The following MYO1D variants were observed in gnomAD, a reference collection of about 807,000 sequenced individuals.
MYO1D encodes myosin ID.
MYO1D carries 83 observed loss-of-function variants against 122.0 expected under a neutral mutation model. The ratio of observed to expected loss-of-function variants is 0.68; its 90% confidence interval spans 0.57 to 0.82. The LOEUF is 0.82. Ranked by LOEUF, MYO1D falls within the 40% of genes least tolerant of loss-of-function variation. The pLI, the probability that MYO1D is intolerant of heterozygous loss-of-function variation, is 0.00. For missense variants in MYO1D, 1,157 were observed against 1,269.5 expected, an observed-to-expected ratio of 0.91 and a Z score of 1.35; for synonymous variants, 464 against 446.9, an observed-to-expected ratio of 1.04 and a Z score of -0.48.
chr17:32,588,102 G>A (rs2087407334), intron 21 of MYO1D, among the ~76,000 whole-genome samples: 1 of 152,118 alleles, frequency 6.6e-6, no homozygotes, highest in Admixed American at 6.5e-5. Context: ...AATATCAAAT[G>A]GAAAATAACA....
At chr17:32,805,982 G>GGC (rs2090507236) in intron 1 of MYO1D, among the ~76,000 whole-genome samples, 1 of 152,176 alleles carries the variant, frequency 6.6e-6, no homozygotes, top group South Asian at 2.1e-4. Context: ...CTTATGGCCG[G>GGC]GTGCAGTGGC....
intron 21 of MYO1D, among the ~76,000 whole-genome samples, chr17:32,544,039 C>T (rs971035862): frequency 6.6e-5 from 10 of 151,518 alleles, no homozygotes; most frequent in African/African-American, 2.2e-4. Flanking sequence ...GTGATCCACC[C>T]GCCTTGGCCT....
intron 21 of MYO1D, among the ~76,000 whole-genome samples, chr17:32,548,966 G>A (rs1029598079): frequency 3.9e-5 from 6 of 151,956 alleles, no homozygotes; most frequent in African/African-American, 1.5e-4. Context: ...CACCTGCCTC[G>A]GCCTCCAAAG....
intron 1 of MYO1D, among the ~76,000 whole-genome samples, chr17:32,818,572 TA>T (rs911258300): frequency 2.0e-5 from 3 of 152,140 alleles, no homozygotes; most frequent in Non-Finnish European, 2.9e-5. Context: ...ATGGGGGAAA[TA>T]AAGTGAAAGC....
At chr17:32,512,701 C>T (rs1004944886) in intron 21 of MYO1D, among the ~76,000 whole-genome samples, 1 of 152,238 alleles carries the variant, frequency 6.6e-6, no homozygotes, top group African/African-American at 2.4e-5. Context: ...CCAAGGGAGA[C>T]AGCCTGGTGT....
intron 16 of MYO1D, among the ~76,000 whole-genome samples, chr17:32,685,407 CA>C (rs2088991306): frequency 6.6e-6 from 1 of 152,206 alleles, no homozygotes; most frequent in African/African-American, 2.4e-5. Context: ...AGCTGGTGAG[CA>C]ATCTCCAGGT....
chr17:32,583,754 T>A (rs912050534), intron 21 of MYO1D, among the ~76,000 whole-genome samples: 1 of 152,004 alleles, frequency 6.6e-6, no homozygotes, highest in Non-Finnish European at 1.5e-5. Context: ...TTGTTTTTTT[T>A]TTTGAGGCAA....
At chr17:32,605,385 T>G in intron 20 of MYO1D, 144 bp from the exon 21 acceptor site, 1 of 656,382 alleles carries the variant, frequency 1.5e-6, no homozygotes, top group Non-Finnish European at 2.3e-6. Flanking sequence ...ATTTGAGCCC[T>G]GGAGTTTGAA....
At chr17:32,565,284 G>C (rs576797477) in intron 21 of MYO1D, among the ~76,000 whole-genome samples, 2 of 152,308 alleles carry the variant, frequency 1.3e-5, no homozygotes, top group South Asian at 4.1e-4. Context: ...GATTATAGGC[G>C]TGAGCCACCA....
intron 21 of MYO1D, among the ~76,000 whole-genome samples, chr17:32,564,362 G>C (rs924220240): frequency 7.2e-5 from 11 of 152,206 alleles, no homozygotes; most frequent in African/African-American, 2.7e-4. Flanking sequence ...TTCCTTCACA[G>C]TGTCACCTGG....
chr17:32,578,009 G>A (rs2087295020), intron 21 of MYO1D, among the ~76,000 whole-genome samples: 1 of 152,200 alleles, frequency 6.6e-6, no homozygotes, highest in South Asian at 2.1e-4. Flanking sequence ...AAAGCGCTGG[G>A]ATTACAGGCG....
chr17:32,861,355 C>G (rs147168153), intron 1 of MYO1D, among the ~76,000 whole-genome samples: 2 of 152,004 alleles, frequency 1.3e-5, no homozygotes, highest in Non-Finnish European at 2.9e-5. Context: ...TGTGAGCCAC[C>G]GCACCTGGCC....
chr17:32,733,733 G>GT (rs1403539503), intron 14 of MYO1D, among the ~76,000 whole-genome samples: 13 of 152,228 alleles, frequency 8.5e-5, no homozygotes, highest in Non-Finnish European at 1.5e-5. Context: ...AGCTTTAGGG[G>GT]TTTTTTCCTT....
intron 20 of MYO1D, 109 bp downstream of exon 20, chr17:32,638,613 T>C: frequency 1.6e-6 from 1 of 633,206 alleles, no homozygotes; most frequent in Non-Finnish European, 2.7e-6. Context: ...CAGGAATTCA[T>C]GGGCATCCTA....
chr17:32,667,078 G>A (rs2088647110), intron 16 of MYO1D, among the ~76,000 whole-genome samples: 1 of 152,180 alleles, frequency 6.6e-6, no homozygotes, highest in Non-Finnish European at 1.5e-5. Context: ...AAAAAGTTGT[G>A]GTAGAGGAGG....
chr17:32,576,588 AT>A (rs1567895745), intron 21 of MYO1D, among the ~76,000 whole-genome samples: 1 of 152,210 alleles, frequency 6.6e-6, no homozygotes, highest in Admixed American at 6.5e-5. Flanking sequence ...TAACATTCAT[AT>A]TTTGTTAATC....
chr17:32,641,692 G>A (rs2088203327), intron 19 of MYO1D, among the ~76,000 whole-genome samples: 1 of 152,330 alleles, frequency 6.6e-6, no homozygotes, highest in African/African-American at 2.4e-5. Context: ...CGGTGATGAT[G>A]AGCATTTTTT....
intron 19 of MYO1D, among the ~76,000 whole-genome samples, chr17:32,646,908 A>C (rs998262048): frequency 1.3e-5 from 2 of 152,226 alleles, no homozygotes; most frequent in African/African-American, 4.8e-5. Context: ...TGTAAATTCC[A>C]GACTTATAAT....
At chr17:32,834,209 C>G (rs573413045) in intron 1 of MYO1D, among the ~76,000 whole-genome samples, 7 of 152,284 alleles carry the variant, frequency 4.6e-5, no homozygotes, top group African/African-American at 1.4e-4. Context: ...GTACAACAGA[C>G]AGAAGTCCCA....
Sources: gnomAD v4.1 joint callset for allele counts (sites outside exome capture counted in the v4.1 genomes callset) on GRCh38, gnomAD v4.1.1 for gene constraint, MANE v1.5 for transcripts, NCBI Gene and HGNC (gene_info 2026-07-23, HGNC 2026-07-21) for gene names.